Variants in DLC1 observed in about 807,000 individuals in gnomAD.
DLC1 encodes rho GTPase-activating protein 7.
In DLC1, 54 loss-of-function variants were observed where a neutral mutation model predicts 140.3. The ratio of observed to expected loss-of-function variants is 0.38; its 90% CI spans 0.31 to 0.48. The LOEUF is 0.48. Ranked by LOEUF, DLC1 falls within the 20% of genes least tolerant of loss-of-function variation. The probability of loss-of-function intolerance (pLI) is 0.96; values close to 1 mark genes in which losing one functional copy is unlikely to be tolerated. For synonymous variants in DLC1, 986 were observed against 728.1 expected, an observed-to-expected ratio of 1.35 and a Z score of -5.70; for missense variants, 2,536 against 1,907.0, an observed-to-expected ratio of 1.33 and a Z score of -6.14.
chr8:13,497,975 AC>A (rs1482182097), intron 2 of DLC1, among the ~76,000 whole-genome samples: 3 of 152,138 alleles, frequency 2.0e-5, no homozygotes, highest in Non-Finnish European at 4.4e-5. Context: ...GTCTATGAAA[AC>A]CAGATTTCTT....
chr8:13,441,927 A>G (rs993863325), intron 2 of DLC1, among the ~76,000 whole-genome samples: 2 of 152,240 alleles, frequency 1.3e-5, no homozygotes, highest in Non-Finnish European at 2.9e-5. Context: ...ACAAAGCTGG[A>G]GGCATCACAC....
chr8:13,202,675 T>C (rs56064428), intron 5 of DLC1, among the ~76,000 whole-genome samples: 21 of 152,140 alleles, frequency 1.4e-4, no homozygotes, highest in African/African-American at 5.1e-4. Context: ...TTTTTTTTAA[T>C]TTTTAATTAT....
rs115172959 is a variant in DLC1 at position 13,099,051 on chromosome 8, A to G, written c.2990+296T>C. 4.2e-3 allele frequency among the ~76,000 whole-genome samples: 532 copies of G among 126,338 alleles called. 4 individuals are homozygous for G. Among genetic ancestry groups the G allele is most frequent in the African/African-American group, 0.013 (511 of 39,584 alleles). 82.9% of individuals were successfully genotyped at this position (126,338 alleles called of 152,430 possible). A position where few individuals can be genotyped will look rare whatever the true frequency, so the allele number is the denominator to read the frequency against. ...GGAAAATATACACAATATAAAGTGC[A>G]CCATTTTCACCATTTTTAAATGTGC... On this transcript the variant is annotated intron_variant, in intron 9 of 17. Coordinates refer to ENST00000276297, the MANE Select transcript of DLC1 (RefSeq NM_182643.3).
chr8:13,479,263 A>G (rs1328585617), intron 2 of DLC1, among the ~76,000 whole-genome samples: 1 of 152,214 alleles, frequency 6.6e-6, no homozygotes, highest in Non-Finnish European at 1.5e-5. Context: ...GCAACAATAA[A>G]TGTTTCAAAG....
At chr8:13,529,312 C>G (rs1377806085) in intron 1 of DLC1, among the ~76,000 whole-genome samples, 1 of 152,052 alleles carries the variant, frequency 6.6e-6, no homozygotes, top group East Asian at 1.9e-4. Flanking sequence ...AACTTGTCAC[C>G]TGATAATTTC....
At chr8:13,538,005 A>G (rs565520590) in intron 1 of DLC1, among the ~76,000 whole-genome samples, 4 of 152,296 alleles carry the variant, frequency 2.6e-5, no homozygotes, top group Admixed American at 6.5e-5. Context: ...TGGGCTAAGC[A>G]AATTACATCC....
rs769098851 is a variant in DLC1 at position 13,088,463 on chromosome 8, A to G, written c.4292+24T>C. Reference sequence around the variant, plus strand: ...CATATATGGAGTCATCCTTGTCACAAAAAAACAACTGGGAAGCGCTCACCT... The same window carrying G: ...CATATATGGAGTCATCCTTGTCACAGAAAAACAACTGGGAAGCGCTCACCT... On this transcript the variant is annotated intron_variant, in intron 16 of 17. Transcript: ENST00000276297. 2.1e-5 allele frequency: 34 copies of G among 1,613,408 alleles called. 1 individual carries two copies. The highest frequency in any genetic ancestry group is 2.6e-5 in the Non-Finnish European group (31 of 1,179,576).
intron 5 of DLC1, among the ~76,000 whole-genome samples, chr8:13,120,790 C>T (rs1372184860): frequency 6.6e-6 from 1 of 152,014 alleles, no homozygotes; most frequent in Non-Finnish European, 1.5e-5. Flanking sequence ...TCCCGGACAC[C>T]CTTTTGTGTA....
intron 1 of DLC1, among the ~76,000 whole-genome samples, chr8:13,597,809 TAACA>T (rs1180057170): frequency 6.6e-6 from 1 of 152,114 alleles, no homozygotes; most frequent in East Asian, 1.9e-4. Flanking sequence ...AAGGACTGAG[TAACA>T]AACAAACTTA....
intron 3 of DLC1, among the ~76,000 whole-genome samples, chr8:13,395,018 C>T (rs886828586): frequency 2.3e-5 from 2 of 86,528 alleles, no homozygotes; most frequent in African/African-American, 1.3e-4. Flanking sequence ...ATCTATCTAT[C>T]TATCTATCTA....
chr8:13,387,829 G>A (rs1586254262), intron 4 of DLC1, among the ~76,000 whole-genome samples: 2 of 152,036 alleles, frequency 1.3e-5, no homozygotes, highest in East Asian at 3.9e-4. Context: ...TGTACCTGCA[G>A]CATATTTATT....
intron 1 of DLC1, among the ~76,000 whole-genome samples, chr8:13,508,847 G>T (rs1802230435): frequency 1.3e-5 from 2 of 152,010 alleles, no homozygotes; most frequent in Admixed American, 1.3e-4. Flanking sequence ...CAAATACATT[G>T]TACCTTAGAT....
chr8:13,115,852 A>C (rs564813555), intron 5 of DLC1, among the ~76,000 whole-genome samples, 195 bp from the exon 6 acceptor site: 7 of 152,194 alleles, frequency 4.6e-5, no homozygotes, highest in African/African-American at 7.2e-5. Context: ...TCACGTGTAC[A>C]TGAGGATGTA....
At chr8:13,305,149 A>C in intron 5 of DLC1, 120 bp downstream of exon 5, 1 of 1,413,422 alleles carries the variant, frequency 7.1e-7, no homozygotes, top group East Asian at 2.6e-5. Context: ...AATTTAAACA[A>C]CATTTTCCCA....
chr8:13,403,015 A>C (rs1435895546), intron 2 of DLC1, among the ~76,000 whole-genome samples: 1 of 152,252 alleles, frequency 6.6e-6, no homozygotes, highest in African/African-American at 2.4e-5. Flanking sequence ...TGGATATGTT[A>C]CTTAAGTAAA....
chr8:13,564,894 T>C (rs1395684002), intron 1 of DLC1, among the ~76,000 whole-genome samples: 1 of 152,178 alleles, frequency 6.6e-6, no homozygotes, highest in Non-Finnish European at 1.5e-5. Context: ...CTATTCTTCA[T>C]ATCTCCCAAT....
intron 5 of DLC1, among the ~76,000 whole-genome samples, chr8:13,179,476 T>A (rs1424547695): frequency 6.6e-6 from 1 of 152,240 alleles, no homozygotes; most frequent in African/African-American, 2.4e-5. Flanking sequence ...ATCCCAGCAC[T>A]TTAGGAGTCT....
intron 4 of DLC1, among the ~76,000 whole-genome samples, chr8:13,324,566 C>T (rs571317054): frequency 9.5e-4 from 64 of 67,690 alleles, no homozygotes; most frequent in African/African-American, 3.2e-3. Context: ...GAGCTAGACT[C>T]CGTCTCAAAA....
At chr8:13,584,330 G>C (rs1805226774) in intron 1 of DLC1, 1 of 154,274 alleles carries the variant, frequency 6.5e-6, no homozygotes, top group Non-Finnish European at 1.5e-5. Flanking sequence ...GCTGCCTGTG[G>C]GCCTGGACAG....
Sources: allele counts gnomAD v4.1 joint callset (sites outside exome capture counted in the v4.1 genomes callset), GRCh38; gene constraint gnomAD v4.1.1; transcripts MANE v1.5; gene names NCBI Gene and HGNC (gene_info 2026-07-23, HGNC 2026-07-21).